Variants in PTPRT observed in about 807,000 individuals in gnomAD.
The protein encoded by PTPRT is protein tyrosine phosphatase receptor type T.
In PTPRT, 56 loss-of-function variants were observed where a neutral mutation model predicts 176.8. The observed-to-expected ratio is 0.32, with a 90% CI of 0.26 to 0.40. The LOEUF is 0.40. PTPRT is among the 10% of genes least tolerant of loss of function. The pLI is 1.00. For missense variants in PTPRT, 1,540 were observed against 1,908.2 expected, an observed-to-expected ratio of 0.81 and a Z score of 3.60; for synonymous variants, 783 against 739.0, an observed-to-expected ratio of 1.06 and a Z score of -0.96.
intron 7 of PTPRT, among the ~76,000 whole-genome samples, chr20:42,563,659 G>T (rs998763946): frequency 1.3e-5 from 2 of 152,168 alleles, no homozygotes. Context: ...GGAATTATAT[G>T]CAGCCATTAA....
At chr20:42,358,217 T>C (rs2058384365) in intron 9 of PTPRT, among the ~76,000 whole-genome samples, 1 of 133,504 alleles carries the variant, frequency 7.5e-6, no homozygotes, top group Non-Finnish European at 1.6e-5. Context: ...AAACTCTCTC[T>C]TTTTTTTTTT....
At chr20:42,789,416 C>T (rs879399246) in intron 3 of PTPRT, among the ~76,000 whole-genome samples, 33 of 152,210 alleles carry the variant, frequency 2.2e-4, no homozygotes, top group South Asian at 1.0e-3. Context: ...TCAAACAAAA[C>T]GGGTAAAAAA....
At chr20:42,413,471 C>G (rs920837869) in intron 9 of PTPRT, among the ~76,000 whole-genome samples, 1 of 152,060 alleles carries the variant, frequency 6.6e-6, no homozygotes, top group Non-Finnish European at 1.5e-5. Context: ...CAAAACTTAA[C>G]AAAAGGTAGG....
intron 17 of PTPRT, among the ~76,000 whole-genome samples, chr20:42,149,071 T>G (rs889748102): frequency 6.6e-6 from 1 of 152,218 alleles, no homozygotes; most frequent in Admixed American, 6.5e-5. Flanking sequence ...TTCACTTCAT[T>G]GCAACAAGTG....
At chr20:42,652,391 C>T (rs1271129517) in intron 7 of PTPRT, among the ~76,000 whole-genome samples, 1 of 152,138 alleles carries the variant, frequency 6.6e-6, no homozygotes, top group African/African-American at 2.4e-5. Flanking sequence ...GCTTAGAAGA[C>T]ACTGTGATCA....
chr20:43,076,570 T>C (rs756021976), intron 1 of PTPRT, among the ~76,000 whole-genome samples: 3 of 152,026 alleles, frequency 2.0e-5, no homozygotes, highest in Non-Finnish European at 4.4e-5. Flanking sequence ...CCTTCTCAGT[T>C]CCCCAAAAAA....
intron 23 of PTPRT, among the ~76,000 whole-genome samples, chr20:42,109,070 T>G (rs73271475): frequency 1.3e-4 from 20 of 151,796 alleles, no homozygotes; most frequent in Non-Finnish European, 1.5e-5. Flanking sequence ...ATGCAAAACA[T>G]TTAGAGAGTC....
chr20:42,508,985 ATTT>A (rs1465921250), intron 7 of PTPRT, among the ~76,000 whole-genome samples: 3 of 128,386 alleles, frequency 2.3e-5, no homozygotes, highest in Non-Finnish European at 3.2e-5. Context: ...TATAATTTAT[ATTT>A]AATTTATAGA....
intron 6 of PTPRT, among the ~76,000 whole-genome samples, chr20:42,684,606 T>C (rs1483251295): frequency 6.6e-6 from 1 of 152,082 alleles, no homozygotes; most frequent in Admixed American, 6.5e-5. Context: ...CAAAGACATA[T>C]GTAAAGAAAA....
intron 7 of PTPRT, among the ~76,000 whole-genome samples, chr20:42,655,110 T>C (rs569262001): frequency 6.6e-6 from 1 of 152,250 alleles, no homozygotes; most frequent in East Asian, 1.9e-4. Flanking sequence ...AATGGAAAGG[T>C]ATGGAAGTAG....
At chr20:42,426,814 C>T (rs1210036180) in intron 9 of PTPRT, among the ~76,000 whole-genome samples, 1 of 152,130 alleles carries the variant, frequency 6.6e-6, no homozygotes, top group Non-Finnish European at 1.5e-5. Flanking sequence ...GGTCAGGGAA[C>T]CCTCTTGTTT....
intron 13 of PTPRT, among the ~76,000 whole-genome samples, chr20:42,271,082 A>G (rs1174954785): frequency 6.6e-6 from 1 of 152,098 alleles, no homozygotes; most frequent in Non-Finnish European, 1.5e-5. Context: ...CAGTTGAAAT[A>G]CAACAGTGCT....
chr20:42,599,654 C>G (rs1483757819), intron 7 of PTPRT, among the ~76,000 whole-genome samples: 1 of 152,128 alleles, frequency 6.6e-6, no homozygotes, highest in Non-Finnish European at 1.5e-5. Flanking sequence ...ATGATGCAGG[C>G]TGCCTGCATC....
At chr20:42,642,096 T>A (rs1444373949) in intron 7 of PTPRT, among the ~76,000 whole-genome samples, 1 of 152,158 alleles carries the variant, frequency 6.6e-6, no homozygotes, top group Non-Finnish European at 1.5e-5. Context: ...ATTGAATATG[T>A]CTGGGAATTC....
At chr20:42,888,154 A>G (rs912831691) in intron 1 of PTPRT, among the ~76,000 whole-genome samples, 1 of 152,192 alleles carries the variant, frequency 6.6e-6, no homozygotes, top group Admixed American at 6.5e-5. Flanking sequence ...CACCCCACTG[A>G]GTATCTCTAC....
chr20:43,124,720 A>G (rs1472186091), intron 1 of PTPRT, among the ~76,000 whole-genome samples: 1 of 152,236 alleles, frequency 6.6e-6, no homozygotes, highest in Admixed American at 6.5e-5. Context: ...ACATCCGTGT[A>G]GAAAACAAAG....
chr20:42,547,425 C>T (rs2072695126), intron 7 of PTPRT, among the ~76,000 whole-genome samples: 1 of 151,802 alleles, frequency 6.6e-6, no homozygotes, highest in Admixed American at 6.6e-5. Flanking sequence ...TATTTAGAGA[C>T]TTTATAGTCA....
At chr20:42,290,496 C>T (rs1209147246) in intron 12 of PTPRT, among the ~76,000 whole-genome samples, 1 of 152,066 alleles carries the variant, frequency 6.6e-6, no homozygotes, top group South Asian at 2.1e-4. Context: ...TAGAAAAGGC[C>T]ACTTTGGTAG....
At chr20:42,311,841 C>G (rs1000515501) in intron 12 of PTPRT, among the ~76,000 whole-genome samples, 36 of 151,962 alleles carry the variant, frequency 2.4e-4, no homozygotes, top group African/African-American at 8.5e-4. Context: ...GATTGGAGAG[C>G]TGACTTTGTT....
Sources: gnomAD v4.1 joint callset for allele counts (sites outside exome capture counted in the v4.1 genomes callset) on GRCh38, gnomAD v4.1.1 for gene constraint, MANE v1.5 for transcripts, NCBI Gene and HGNC (gene_info 2026-07-23, HGNC 2026-07-21) for gene names.